The following OPN1SW variants were observed in gnomAD, a reference collection of about 807,000 sequenced individuals.
The protein encoded by OPN1SW is short-wave-sensitive opsin 1.
A neutral mutation model predicts 31.9 loss-of-function variants in OPN1SW; 25 were observed. The ratio of observed to expected loss-of-function variants is 0.78; its 90% CI spans 0.57 to 1.09. The LOEUF (loss-of-function observed/expected upper bound fraction) is 1.09, where lower values mean the gene tolerates loss of function less well. Among genes scored for constraint, OPN1SW ranks in the 50% least tolerant of loss-of-function variants. The probability of loss-of-function intolerance (pLI) is 0.00; values close to 1 mark genes in which losing one functional copy is unlikely to be tolerated. For synonymous variants in OPN1SW, 190 were observed against 171.9 expected (o/e 1.11, Z -0.82); for missense variants, 424 against 448.0 (o/e 0.95, Z 0.48).
At chr7:128,775,398 C>A (rs778295223) in intron 1 of OPN1SW, 41 bp downstream of exon 1, 1 of 1,577,476 alleles carries the variant, frequency 6.3e-7, no homozygotes, top group South Asian at 1.1e-5. Flanking sequence ...AGTGGAGTAG[C>A]AACCTTTGCC....
intron 4 of OPN1SW, 103 bp downstream of exon 4, chr7:128,773,546 A>G (rs987553419): frequency 4.4e-5 from 66 of 1,514,174 alleles, no homozygotes; most frequent in Non-Finnish European, 5.8e-5. Context: ...TCCCTCGTCT[A>G]CTAGAAACCT....
In OPN1SW at chr7:128,772,667, G is replaced by T. The variant is rs374687514; in HGVS notation, c.919-8C>A. The stretch of plus-strand genomic sequence containing the variant: ...CATGATGCAAGCTTGGAACTGGAGA[G>T]AAAGGTACAATTGGAGATAACCTTG... On this transcript the variant is annotated splice_polypyrimidine_tract_variant and splice_region_variant and intron_variant, in intron 4 of 4. Transcript: ENST00000249389. The T allele has an allele frequency of 6.3e-5, 102 of 1,613,920 alleles. No homozygotes were observed. In the Middle Eastern group the frequency reaches 8.2e-4, roughly 13 times the overall value.
chr7:128,773,929 T>C, intron 3 of OPN1SW, 41 bp from the exon 4 acceptor site: 1 of 1,581,700 alleles, frequency 6.3e-7, no homozygotes. Context: ...CTCTTTTTCC[T>C]GGCCCTCTGG....
In OPN1SW at chr7:128,772,579, T is replaced by C; in HGVS notation, c.999A>G (p.Glu333=). 3 of 1,614,174 alleles carry C rather than the reference T, an allele frequency of 1.9e-6. No individual in the cohort carries two copies. Among genetic ancestry groups the C allele is most frequent in the Non-Finnish European group, 2.5e-6 (3 of 1,180,018 alleles). Residue 333 remains glutamate, a synonymous_variant, in exon 5 of 5, where the codon GAA becomes GAG. Transcript: ENST00000249389. ...CTTGGGTAGACGAGACAGTAGAAAC[T>C]TCTGTTTTCTGGGAGCTGCATGTGT... ...ESDTCSSQKT[E]VSTVSSTQVG... is the part of the protein sequence containing the mutation.
At chr7:128,773,993 G>C in intron 3 of OPN1SW, 105 bp from the exon 4 acceptor site, 1 of 1,388,638 alleles carries the variant, frequency 7.2e-7, no homozygotes, top group Non-Finnish European at 9.5e-7. Flanking sequence ...TTTTGAGACC[G>C]AGTCTCGCTC....
In OPN1SW at chr7:128,773,875, T is replaced by C; in HGVS notation, c.692A>G (p.Gln231Arg). The C allele has an allele frequency of 6.2e-7, 1 of 1,611,518 alleles. No individual in the cohort carries two copies. The highest frequency in any genetic ancestry group is 1.7e-5 in the Admixed American group (1 of 59,988). Reference protein sequence around the residue: ...LRALKAVAAQQQESATTQKAE... With the variant: ...LRALKAVAAQRQESATTQKAE... ...CTTCTGGGTCGTAGCTGACTCCTGC[T>C]GCTGAGCTGCAACCTGGGGTGGAGC... Residue 231 changes from glutamine (Q) to arginine (R), a missense_variant, in exon 4 of 5, where the codon CAG becomes CGG. Coordinates refer to ENST00000249389, the MANE Select transcript of OPN1SW (RefSeq NM_001385125.1).
At chr7:128,774,931 A>C (rs184428658) in intron 2 of OPN1SW, 55 bp downstream of exon 2, 2 of 1,607,358 alleles carry the variant, frequency 1.2e-6, no homozygotes, top group Admixed American at 3.3e-5. Flanking sequence ...CTCTCTTTCC[A>C]CCCACATCAA....
Position 128,772,551 on chromosome 7 carries a change from C to G in OPN1SW, c.1027G>C (p.Gly343Arg), listed in dbSNP as rs759166292. 6.2e-6 allele frequency: 10 copies of G among 1,614,106 alleles called. No homozygotes were observed. The South Asian group carries it at 1.1e-4, about 18-fold the overall frequency. The change falls in exon 5 of 5, where the codon GGC (glycine) becomes CGC (arginine). Residue 343 changes from glycine to arginine, a missense_variant. Physicochemically the swap from Gly to Arg is moderately radical, Grantham distance 125 (BLOSUM62 -2). Transcript: ENST00000249389. ...CCAATATTGGGTCCTCAGTTGGGGC[C>G]AACTTGGGTAGACGAGACAGTAGAA... is the stretch of plus-strand genomic sequence containing the variant. ...EVSTVSSTQV[G>R]PN is the part of the protein sequence containing the mutation.
At chr7:128,775,182 TAGACAGAGCCCCACCC>T in intron 1 of OPN1SW, 28 bp from the exon 2 acceptor site, 1 of 1,609,960 alleles carries the variant, frequency 6.2e-7, no homozygotes, top group Non-Finnish European at 8.5e-7. Flanking sequence ...GATAATGGGC[TAGACAGAGCCCCACCC>T]AGCCTGGCTG....
At position 128,774,664 on chromosome 7, in the gene OPN1SW, C is replaced by CT. The variant is rs747486359; in HGVS notation, c.513-2dup. The CT allele has an allele frequency of 6.2e-7, 1 of 1,614,026 alleles. No homozygotes were observed. The highest frequency in any genetic ancestry group is 8.5e-7 in the Non-Finnish European group (1 of 1,180,034). On this transcript the variant is annotated splice_acceptor_variant, in intron 2 of 4. Coordinates refer to ENST00000249389, the MANE Select transcript of OPN1SW (RefSeq NM_001385125.1). LOFTEE classifies it high-confidence loss of function. ...ACACTGCAGGCCCTCAGGGATGAAC[C>CT]TGCAAAGGACCAAACACTTGCTCAC...
In OPN1SW at chr7:128,775,663, G is replaced by A. The variant is rs1294477276; in HGVS notation, c.119C>T (p.Thr40Ile). The A allele has an allele frequency of 1.9e-6, 3 of 1,614,122 alleles. No homozygotes were observed. In the Admixed American group the frequency reaches 5.0e-5, roughly 27 times the overall value. The stretch of plus-strand genomic sequence containing the variant: ...GAGTGGGAACCCTATAAGGAAGACA[G>A]TGCCCATGAAAGCTGCCTGGAGGTA... The part of the protein sequence containing the change: ...AFYLQAAFMG[T>I]VFLIGFPLNA... Residue 40 changes from threonine (T) to isoleucine (I), a missense_variant, in exon 1 of 5, where the codon ACT becomes ATT. By Grantham distance (89) the Thr-to-Ile change is moderately conservative. Coordinates refer to ENST00000249389, the MANE Select transcript of OPN1SW (RefSeq NM_001385125.1).
At chr7:128,775,271 AG>A in intron 1 of OPN1SW, 117 bp from the exon 2 acceptor site, 1 of 1,316,280 alleles carries the variant, frequency 7.6e-7, no homozygotes, top group Non-Finnish European at 1.1e-6. Context: ...TGACATTTGG[AG>A]TGAAGACTCA....
Position 128,775,150 on chromosome 7 carries a change from C to A in OPN1SW, c.348G>T (p.Leu116=). 1 of 1,614,040 alleles carries A rather than the reference C, an allele frequency of 6.2e-7. No individual in the cohort carries two copies. The highest frequency in any genetic ancestry group is 1.1e-5 in the South Asian group (1 of 91,056). The stretch of plus-strand genomic sequence containing the variant: ...GGAAGGCCAGTGACCATCCTGTAAC[C>A]AGACCTGTGGTGAAATGTGAGGATA... The part of the protein sequence containing the change: ...LEGFLGTVAG[L]VTGWSLAFLA... The change falls in exon 2 of 5, where the codon CTG becomes CTT. Residue 116 remains leucine (L), a synonymous_variant. Transcript: ENST00000249389.
At chr7:128,773,555 CT>C (rs1377812196) in intron 4 of OPN1SW, 93 bp downstream of exon 4, 1 of 1,559,896 alleles carries the variant, frequency 6.4e-7, no homozygotes, top group African/African-American at 1.4e-5. Context: ...TACTAGAAAC[CT>C]GGGTAGAGTC....
chr7:128,772,668 A>G lies in OPN1SW; in HGVS notation c.919-9T>C. On this transcript the variant is annotated splice_polypyrimidine_tract_variant and intron_variant, in intron 4 of 4. Coordinates refer to ENST00000249389, the MANE Select transcript of OPN1SW (RefSeq NM_001385125.1). Reference sequence around the variant, plus strand: ...ATGATGCAAGCTTGGAACTGGAGAGAAAGGTACAATTGGAGATAACCTTGG... The same window carrying G: ...ATGATGCAAGCTTGGAACTGGAGAGGAAGGTACAATTGGAGATAACCTTGG... The G allele has an allele frequency of 2.5e-6, 4 of 1,614,064 alleles. No individual in the cohort carries two copies. The highest frequency in any genetic ancestry group is 3.4e-6 in the Non-Finnish European group (4 of 1,179,936).
At chr7:128,774,214 C>T (rs1801703810) in intron 3 of OPN1SW, among the ~76,000 whole-genome samples, 1 of 152,156 alleles carries the variant, frequency 6.6e-6, no homozygotes, top group Admixed American at 6.5e-5. Context: ...CTGCTTCGGC[C>T]TCCCAAAGTG....
In OPN1SW at chr7:128,775,491, G is replaced by T. The variant is rs753929816; in HGVS notation, c.291C>A (p.Phe97Leu). 4 of 1,613,930 alleles carry T rather than the reference G, an allele frequency of 2.5e-6. No individual in the cohort carries two copies. Among genetic ancestry groups the T allele is most frequent in the Admixed American group, 1.7e-5 (1 of 60,008 alleles). The stretch of plus-strand genomic sequence containing the variant: ...AAGCACAAACATGGCGACCGAAGAC[G>T]AAGTATCCGTTACAGCTGGCGACGA... ...PVFVASCNGYFVFGRHVCALE... is the reference protein window; with the variant it reads ...PVFVASCNGYLVFGRHVCALE... Residue 97 changes from phenylalanine to leucine, a missense_variant, in exon 1 of 5, where the codon TTC (phenylalanine) becomes TTA (leucine). By Grantham distance (22) the Phe-to-Leu change is conservative. Transcript: ENST00000249389.
rs1801715921 is a variant in OPN1SW at position 128,774,577 on chromosome 7, A to T, written c.599T>A (p.Phe200Tyr). 1 of 1,614,068 alleles carries T rather than the reference A, an allele frequency of 6.2e-7. No homozygotes were observed. Among genetic ancestry groups the T allele is most frequent in the Admixed American group, 1.7e-5 (1 of 60,002 alleles). Reference sequence around the variant, plus strand: ...CACAATGAAGCAGAAGATGAAGAGGAACCACGTATAGGACTCGCTGCGGTA... The same window carrying T: ...CACAATGAAGCAGAAGATGAAGAGGTACCACGTATAGGACTCGCTGCGGTA... ...TKYRSESYTWFLFIFCFIVPL... is the reference protein window; with the variant it reads ...TKYRSESYTWYLFIFCFIVPL... The change falls in exon 3 of 5, where the codon TTC becomes TAC. Residue 200 changes from phenylalanine (F) to tyrosine (Y), a missense_variant. Coordinates refer to ENST00000249389, the MANE Select transcript of OPN1SW (RefSeq NM_001385125.1).
chr7:128,775,330 A>G, intron 1 of OPN1SW, 109 bp downstream of exon 1: 1 of 1,330,840 alleles, frequency 7.5e-7, no homozygotes, highest in Non-Finnish European at 1.0e-6. Flanking sequence ...TTTGTACCCC[A>G]GTATTTTAAA....
Sources: gnomAD v4.1 joint callset for allele counts (sites outside exome capture counted in the v4.1 genomes callset) on GRCh38, gnomAD v4.1.1 for gene constraint, MANE v1.5 for transcripts, NCBI Gene and HGNC (gene_info 2026-07-23, HGNC 2026-07-21) for gene names.